Variants in PLA2R1 observed in about 807,000 individuals in gnomAD.
The protein encoded by PLA2R1 is secretory phospholipase A2 receptor.
A neutral mutation model predicts 195.9 loss-of-function variants in PLA2R1; 158 were observed. The observed-to-expected ratio is 0.81, with a 90% CI of 0.71 to 0.92. The LOEUF is 0.92. Ranked by LOEUF, PLA2R1 falls within the 40% of genes least tolerant of loss-of-function variation. The pLI is 0.00. For synonymous variants in PLA2R1, 586 were observed against 598.2 expected (o/e 0.98, Z 0.30); for missense variants, 1,626 against 1,764.6 (o/e 0.92, Z 1.41).
At chr2:159,969,116 T>A (rs1040534548) in intron 19 of PLA2R1, 140 bp downstream of exon 19, 31 of 571,542 alleles carry the variant, frequency 5.4e-5, no homozygotes, top group Admixed American at 4.1e-4. Context: ...TTAAGCCTTA[T>A]GGCAGACAAA....
chr2:160,046,750 G>A (rs1207488305), intron 1 of PLA2R1, among the ~76,000 whole-genome samples: 2 of 152,100 alleles, frequency 1.3e-5, no homozygotes, highest in Non-Finnish European at 2.9e-5. Context: ...AAAATGAATG[G>A]TTTTAGGGAG....
At chr2:160,013,515 TTTTATA>T (rs1429483021) in intron 9 of PLA2R1, 140 bp from the exon 10 acceptor site, 2 of 477,142 alleles carry the variant, frequency 4.2e-6, no homozygotes, top group Non-Finnish European at 3.7e-6. Context: ...GTCTTGATAT[TTTTATA>T]TTTATTCTAT....
rs370306908 is a variant in PLA2R1, at chr2:160,028,861, T to G, written c.944A>C (p.Asn315Thr). The G allele has an allele frequency of 1.2e-6, 2 of 1,608,596 alleles. No homozygotes were observed. Among genetic ancestry groups the G allele is most frequent in the Non-Finnish European group, 1.7e-6 (2 of 1,174,930 alleles). Residue 315 changes from asparagine to threonine, a missense_variant, in exon 5 of 30, where the codon AAT becomes ACT. Transcript: ENST00000283243. ...AACACTGCGGGTACCTGGGCTCCAA[T>G]TCAGATAGTTGAGCGGCGTTCCATC... ...WSDGTPLNYL[N>T]WSPEVNFEPF...
rs1472241388 is a variant in PLA2R1 at position 159,938,365 on chromosome 2, A to C, written c.*3413T>G. On this transcript the variant is annotated 3_prime_UTR_variant, in exon 30 of 30. Transcript: ENST00000283243. ...CCCATGCAGGTGTGGGTGAGAAATA[A>C]ACCTTTGCTGTGTTAATCCACCAAG... 6.6e-6 allele frequency: 1 copy of C among 152,238 alleles called. No homozygotes were observed. Among genetic ancestry groups the C allele is most frequent in the Non-Finnish European group, 1.5e-5 (1 of 68,062 alleles). 9.4% of individuals were successfully genotyped at this position (152,238 alleles called of 1,614,324 possible). A position where few individuals can be genotyped will look rare whatever the true frequency, so the allele number is the denominator to read the frequency against.
chr2:159,942,091 G>A, intron 29 of PLA2R1, 36 bp downstream of exon 29: 1 of 1,600,770 alleles, frequency 6.2e-7, no homozygotes, highest in South Asian at 1.1e-5. Context: ...TTATTTCTAA[G>A]AAAAATCAAA....
intron 24 of PLA2R1, among the ~76,000 whole-genome samples, chr2:159,950,906 A>C (rs1687695095): frequency 1.3e-5 from 2 of 152,220 alleles, no homozygotes. Context: ...TAAAACCTCA[A>C]GTGCTTAATT....
At chr2:159,972,992 T>C (rs12692578) in intron 17 of PLA2R1, among the ~76,000 whole-genome samples, 34,557 of 152,190 alleles carry the variant, frequency 0.23, 4,460 homozygotes, top group Admixed American at 0.38. Flanking sequence ...CAACTAACTG[T>C]TATTTTTGTT....
chr2:159,997,665 A>G (rs537070763), intron 11 of PLA2R1, among the ~76,000 whole-genome samples: 11 of 152,108 alleles, frequency 7.2e-5, no homozygotes, highest in African/African-American at 2.4e-4. Flanking sequence ...CAGCAGTTTT[A>G]TCAATGACAG....
chr2:159,971,383 A>G (rs1689166064), intron 17 of PLA2R1, among the ~76,000 whole-genome samples: 1 of 152,204 alleles, frequency 6.6e-6, no homozygotes, highest in Admixed American at 6.5e-5. Flanking sequence ...ACATTTTACT[A>G]ATTTTATACC....
chr2:160,049,626 G>A (rs1243164010), intron 1 of PLA2R1, among the ~76,000 whole-genome samples: 1 of 152,114 alleles, frequency 6.6e-6, no homozygotes, highest in African/African-American at 2.4e-5. Flanking sequence ...CCAGCACTTT[G>A]GGAGGCTAAG....
chr2:159,965,872 T>C (rs1215195752), intron 20 of PLA2R1, among the ~76,000 whole-genome samples: 1 of 152,104 alleles, frequency 6.6e-6, no homozygotes, highest in Non-Finnish European at 1.5e-5. Context: ...TCATTGTTGT[T>C]TTAATTTGCA....
chr2:160,041,654 G>C lies in PLA2R1; in HGVS notation c.667+371C>G, dbSNP rs546686170. On this transcript the variant is annotated intron_variant, in intron 3 of 29. Transcript: ENST00000283243. ...GTGGAGAAATTAAAGCAGCTCATAA[G>C]AGATAGTGGATTGAAAGGCTAACTG... 3.3e-5 allele frequency among the ~76,000 whole-genome samples: 5 copies of C among 152,334 alleles called. No individual in the cohort carries two copies. The South Asian group carries it at 8.3e-4, about 25-fold the overall frequency.
At chr2:160,056,696 A>G (rs1475577458) in intron 1 of PLA2R1, among the ~76,000 whole-genome samples, 4 of 152,102 alleles carry the variant, frequency 2.6e-5, no homozygotes, top group Non-Finnish European at 5.9e-5. Context: ...AACTATCCAG[A>G]CGGTTTCTTT....
intron 17 of PLA2R1, among the ~76,000 whole-genome samples, chr2:159,972,624 A>G (rs1451850194): frequency 6.6e-6 from 1 of 152,194 alleles, no homozygotes; most frequent in Non-Finnish European, 1.5e-5. Context: ...TTTGATATGT[A>G]TTTTGAGAAG....
chr2:159,996,652 T>G (rs1691231236), intron 11 of PLA2R1, among the ~76,000 whole-genome samples: 1 of 152,108 alleles, frequency 6.6e-6, no homozygotes, highest in Admixed American at 6.6e-5. Flanking sequence ...TATTTCTTTC[T>G]TTTCCTTCTG....
intron 1 of PLA2R1, among the ~76,000 whole-genome samples, chr2:160,060,266 G>T (rs912362584): frequency 5.9e-5 from 9 of 152,196 alleles, no homozygotes; most frequent in African/African-American, 2.2e-4. Context: ...GAACACAGCG[G>T]TAAACTGAGG....
At chr2:159,976,007 T>G in intron 17 of PLA2R1, 61 bp downstream of exon 17, 1 of 602,296 alleles carries the variant, frequency 1.7e-6, no homozygotes, top group Non-Finnish European at 3.0e-6. Flanking sequence ...CCTCCCTCCC[T>G]CCCAAGGGCA....
At chr2:160,044,419 T>C (rs1694736934) in intron 2 of PLA2R1, among the ~76,000 whole-genome samples, 1 of 152,152 alleles carries the variant, frequency 6.6e-6, no homozygotes, top group Non-Finnish European at 1.5e-5. Flanking sequence ...ATTATATTTG[T>C]CATGACAAAA....
the PLA2R1 span, among the ~76,000 whole-genome samples, chr2:159,926,173 A>T: frequency 0.21 from 32,007 of 152,220 alleles, 3,921 homozygotes; most frequent in Admixed American, 0.36. Flanking sequence ...ACTAGCTTTA[A>T]GACTAAGTAT....
Sources: allele counts gnomAD v4.1 joint callset (sites outside exome capture counted in the v4.1 genomes callset), GRCh38; gene constraint gnomAD v4.1.1; transcripts MANE v1.5; gene names NCBI Gene and HGNC (gene_info 2026-07-23, HGNC 2026-07-21).